Variants in FAM53A observed in about 807,000 individuals in gnomAD.
FAM53A encodes protein FAM53A.
Under a neutral mutation model 26.6 loss-of-function variants are expected in FAM53A, and 28 were observed. The ratio of observed to expected loss-of-function variants is 1.05; its 90% CI spans 0.78 to 1.45. FAM53A has a LOEUF of 1.45. FAM53A is among the 40% of genes most tolerant of loss of function. FAM53A has a pLI of 0.00. For missense variants in FAM53A, 650 were observed against 575.8 expected (o/e 1.13, Z -1.32); for synonymous variants, 290 against 253.1 (o/e 1.15, Z -1.38).
At chr4:1,682,140 C>T (rs1343657343) in intron 1 of FAM53A, among the ~76,000 whole-genome samples, 1 of 152,090 alleles carries the variant, frequency 6.6e-6, no homozygotes, top group African/African-American at 2.4e-5. Flanking sequence ...TTCCTGAGTC[C>T]CTGACACACA....
Position 1,684,252 on chromosome 4 carries a change from T to G in FAM53A, c.-184A>C, listed in dbSNP as rs3134867. The G allele has an allele frequency of 0.76, 114,458 of 150,776 alleles. 43,870 individuals carry two copies. Among genetic ancestry groups the G allele is most frequent in the East Asian group, 0.88 (4,493 of 5,098 alleles). The allele number at this position is 150,776 out of a possible 1,614,324, so 9.3% of individuals were successfully genotyped here. On this transcript the variant is annotated 5_prime_UTR_variant, in exon 1 of 5. Transcript: ENST00000308132. The stretch of plus-strand genomic sequence containing the variant: ...CGGTACCTGAGCGCGGCCGCGGGGG[T>G]GCGGAGCGAGAAGACTGCCGGCCGC...
chr4:1,621,581 C>T (rs563566295), intron 1 of FAM53A, among the ~76,000 whole-genome samples: 7 of 152,238 alleles, frequency 4.6e-5, no homozygotes, highest in African/African-American at 1.4e-4. Context: ...GCCTCCACAG[C>T]GGGGAGCGAA....
the FAM53A span, among the ~76,000 whole-genome samples, chr4:1,578,982 G>A: frequency 6.6e-6 from 1 of 150,930 alleles, no homozygotes; most frequent in African/African-American, 2.4e-5. Context: ...AAAGGGCGCG[G>A]CCCGGCTGCG....
chr4:1,654,895 C>G lies in FAM53A; in HGVS notation c.882+83G>C. On this transcript the variant is annotated intron_variant, in intron 4 of 4. Transcript: ENST00000308132. The stretch of plus-strand genomic sequence containing the variant: ...ACCAGCCGGATGCTAACAGCCACAT[C>G]CAGAGAATCAGCCAGCCTCACCCCA... 4.2e-6 allele frequency: 6 copies of G among 1,443,208 alleles called. No individual in the cohort carries two copies. The South Asian group carries it at 9.4e-5, about 23-fold the overall frequency. 89.4% of individuals were successfully genotyped at this position (1,443,208 alleles called of 1,614,324 possible).
At chr4:1,619,021 G>T (rs1293915205) in intron 1 of FAM53A, among the ~76,000 whole-genome samples, 1 of 152,216 alleles carries the variant, frequency 6.6e-6, no homozygotes, top group South Asian at 2.1e-4. Context: ...ATGCCGCAGA[G>T]CGTCCACAGG....
rs774015348 is a variant in FAM53A, at chr4:1,668,791, G to C, written c.-50C>G. On this transcript the variant is annotated 5_prime_UTR_variant, in exon 2 of 5. Coordinates refer to ENST00000308132, the MANE Select transcript of FAM53A (RefSeq NM_001174070.3). The stretch of plus-strand genomic sequence containing the variant: ...CACACCAACAGGCACTGGAGTCCTG[G>C]AACATCAGACTTGCGAAGGCCCCAG... The C allele has an allele frequency of 1.3e-6, 2 of 1,582,508 alleles. No individual in the cohort carries two copies. Among genetic ancestry groups the C allele is most frequent in the African/African-American group, 2.7e-5 (2 of 74,216 alleles).
Position 1,657,463 on chromosome 4 carries a change from C to T in FAM53A, c.81G>A (p.Gln27=), listed in dbSNP as rs751076162. 2 of 1,613,720 alleles carry T rather than the reference C, an allele frequency of 1.2e-6. No individual in the cohort carries two copies. Among genetic ancestry groups the T allele is most frequent in the East Asian group, 2.2e-5 (1 of 44,888 alleles). Residue 27 remains glutamine (Q), a synonymous_variant, in exon 3 of 5, where the codon CAG becomes CAA. Transcript: ENST00000308132. The part of the protein sequence containing the change: ...LTCKAEAGPL[Q]YSAETLNKSG... ...TCTTGTTCAGGGTTTCCGCAGAATA[C>T]TGCAACTGACAGGAAAGAGAAGTTT...
chr4:1,658,671 C>A (rs959711328), intron 2 of FAM53A, among the ~76,000 whole-genome samples: 3 of 152,246 alleles, frequency 2.0e-5, no homozygotes, highest in African/African-American at 7.2e-5. Context: ...CTTCCCTACC[C>A]CATGAAGTGT....
chr4:1,638,413 C>A (rs1715943442), downstream of FAM53A, among the ~76,000 whole-genome samples: 1 of 152,132 alleles, frequency 6.6e-6, no homozygotes, highest in Admixed American at 6.5e-5. Flanking sequence ...GGCTGCACTG[C>A]CCCACCGAGG....
intron 4 of FAM53A, among the ~76,000 whole-genome samples, chr4:1,647,286 G>C (rs541338499): frequency 1.3e-5 from 2 of 151,148 alleles, no homozygotes; most frequent in African/African-American, 4.9e-5. Context: ...AGTTAGCCGA[G>C]ATGGCACCAT....
intron 1 of FAM53A, among the ~76,000 whole-genome samples, chr4:1,623,078 G>A (rs1414287733): frequency 1.3e-5 from 2 of 152,236 alleles, no homozygotes; most frequent in Non-Finnish European, 2.9e-5. Flanking sequence ...GAGGCTCTGT[G>A]CCTCCCACTG....
At chr4:1,667,741 C>T (rs1429814444) in intron 2 of FAM53A, among the ~76,000 whole-genome samples, 1 of 152,180 alleles carries the variant, frequency 6.6e-6, no homozygotes, top group African/African-American at 2.4e-5. Flanking sequence ...AACGTGCCCA[C>T]GTCTCCAGAG....
At chr4:1,677,680 T>C (rs149598730) in intron 1 of FAM53A, among the ~76,000 whole-genome samples, 13 of 152,340 alleles carry the variant, frequency 8.5e-5, no homozygotes, top group Admixed American at 7.8e-4. Flanking sequence ...GTCAACACGC[T>C]GTCTCACTGC....
chr4:1,628,676 C>T (rs867767348), intron 1 of FAM53A, among the ~76,000 whole-genome samples: 4 of 31,016 alleles, frequency 1.3e-4, no homozygotes, highest in Middle Eastern at 0.056. Flanking sequence ...GAGGGTGGCA[C>T]GGGAAGAGTG....
At chr4:1,601,998 C>T in the FAM53A span, among the ~76,000 whole-genome samples, 1 of 26,606 alleles carries the variant, frequency 3.8e-5, no homozygotes, top group African/African-American at 1.7e-4. Flanking sequence ...GGAGGTGGGC[C>T]GGGGGAGGTA....
chr4:1,606,726 C>G, the FAM53A span, among the ~76,000 whole-genome samples: 3 of 152,212 alleles, frequency 2.0e-5, no homozygotes, highest in Non-Finnish European at 4.4e-5. Flanking sequence ...GTCTACTGCA[C>G]GGATGGACCC....
intron 1 of FAM53A, among the ~76,000 whole-genome samples, chr4:1,631,405 C>T (rs893754179): frequency 1.3e-5 from 2 of 152,252 alleles, no homozygotes; most frequent in African/African-American, 4.8e-5. Flanking sequence ...GCCGTTCCCA[C>T]ACATGCTAAC....
At chr4:1,653,383 G>A (rs1050499612) in intron 4 of FAM53A, among the ~76,000 whole-genome samples, 1 of 152,156 alleles carries the variant, frequency 6.6e-6, no homozygotes, top group African/African-American at 2.4e-5. Context: ...ACCCAGGGCC[G>A]CTCTACATTA....
intron 1 of FAM53A, among the ~76,000 whole-genome samples, chr4:1,627,649 C>T (rs1185926554): frequency 5.3e-5 from 8 of 152,224 alleles, no homozygotes. Flanking sequence ...AGTGTCCACA[C>T]TGGGGCCAAG....
Sources: gnomAD v4.1 joint callset for allele counts (sites outside exome capture counted in the v4.1 genomes callset) on GRCh38, gnomAD v4.1.1 for gene constraint, MANE v1.5 for transcripts, NCBI Gene and HGNC (gene_info 2026-07-23, HGNC 2026-07-21) for gene names.